Variants in POF1B observed in about 807,000 individuals in gnomAD.
POF1B encodes the protein protein POF1B.
POF1B carries 53 observed loss-of-function variants against 55.3 expected under a neutral mutation model. The ratio of observed to expected loss-of-function variants is 0.96; its 90% confidence interval spans 0.77 to 1.20. POF1B has a LOEUF of 1.20. Ranked by LOEUF, POF1B falls within the 50% of genes most tolerant of loss-of-function variation. The probability of loss-of-function intolerance (pLI) is 0.00; values close to 1 mark genes in which losing one functional copy is unlikely to be tolerated. For missense variants in POF1B, 478 were observed against 420.5 expected, an observed-to-expected ratio of 1.14 and a Z score of -1.20; for synonymous variants, 188 against 148.3, an observed-to-expected ratio of 1.27 and a Z score of -1.95.
intron 15 of POF1B, among the ~76,000 whole-genome samples, chrX:85,288,039 C>A (rs1932094686): frequency 9.0e-6 from 1 of 111,595 alleles, no homozygotes; most frequent in Admixed American, 9.6e-5. Context: ...TTGACAGACA[C>A]TCTCTACAAT....
At chrX:85,329,087 T>A (rs1490923299) in intron 7 of POF1B, among the ~76,000 whole-genome samples, 1 of 111,722 alleles carries the variant, frequency 9.0e-6, no homozygotes, top group Non-Finnish European at 1.9e-5. Context: ...CTCAAAAATG[T>A]CTGAATCCAT....
chrX:85,354,267 A>G (rs1249555905), intron 4 of POF1B, among the ~76,000 whole-genome samples: 1 of 111,112 alleles, frequency 9.0e-6, no homozygotes, highest in African/African-American at 3.3e-5. Context: ...TTTAAATAAT[A>G]TTGATAATTC....
At position 85,305,857 on chromosome X, in the gene POF1B, G is replaced by C. The variant is rs141543848; in HGVS notation, c.1371C>G (p.Gly457=). ...TTTTTACCATCTCCGTGTAGTGGTT[G>C]CCAATCTCATCCATTTTAGCCTGCA... ...PMLQAKMDEI[G]NHYTEMVKNL... The change falls in exon 13 of 17, where the codon GGC becomes GGG. Residue 457 remains glycine, a synonymous_variant. Transcript: ENST00000262753. 8.0e-4 allele frequency: 969 copies of C among 1,207,715 alleles called. 5 individuals carry two copies. In the African/African-American group the frequency reaches 0.015, roughly 18 times the overall value.
Position 85,345,996 on chromosome X carries a change from G to A in POF1B, c.587C>T (p.Pro196Leu). Residue 196 changes from proline to leucine, a missense_variant, in exon 6 of 17, where the codon CCC (proline) becomes CTC (leucine). Pro to Leu is a moderately conservative substitution (Grantham distance 98, BLOSUM62 -3). Coordinates refer to ENST00000262753, the MANE Select transcript of POF1B (RefSeq NM_024921.4). ...AQCHHHIIQQ[P>L]QVIHSAHWQQ... ...CCAGTGTGCAGAGTGGATGACCTGG[G>A]GCTGTTGGATAATGTGATGATGGCA... 1 of 1,201,442 alleles carries A rather than the reference G, an allele frequency of 8.3e-7. No individual in the cohort carries two copies. Among genetic ancestry groups the A allele is most frequent in the Non-Finnish European group, 1.1e-6 (1 of 890,134 alleles).
At chrX:85,340,945 A>G (rs1251839789) in intron 6 of POF1B, among the ~76,000 whole-genome samples, 3 of 111,630 alleles carry the variant, frequency 2.7e-5, no homozygotes, top group Non-Finnish European at 3.8e-5. Context: ...CGAATAAAAG[A>G]AGCAAAATAA....
chrX:85,320,727 C>G (rs1302659957), intron 7 of POF1B, among the ~76,000 whole-genome samples: 1 of 111,082 alleles, frequency 9.0e-6, no homozygotes, highest in Admixed American at 9.6e-5. Flanking sequence ...AGAGAAGAAT[C>G]AAACAGACAC....
intron 2 of POF1B, among the ~76,000 whole-genome samples, chrX:85,370,592 T>C (rs751432533): frequency 1.8e-4 from 20 of 111,603 alleles, no homozygotes; most frequent in Admixed American, 2.9e-4. Flanking sequence ...GTTTATTAAT[T>C]CCAGAAATAC....
intron 7 of POF1B, among the ~76,000 whole-genome samples, chrX:85,319,475 G>T (rs1220074909): frequency 9.0e-6 from 1 of 111,178 alleles, no homozygotes; most frequent in Non-Finnish European, 1.9e-5. Flanking sequence ...TCTATCTTTT[G>T]CCCATTTAGT....
At chrX:85,327,406 G>T (rs768053223) in intron 7 of POF1B, among the ~76,000 whole-genome samples, 2 of 111,492 alleles carry the variant, frequency 1.8e-5, no homozygotes, top group Non-Finnish European at 3.8e-5. Context: ...GTAATACATT[G>T]CCTACAGAGA....
At chrX:85,378,619 C>T (rs1933959259) in intron 2 of POF1B, among the ~76,000 whole-genome samples, 1 of 111,520 alleles carries the variant, frequency 9.0e-6, no homozygotes, top group African/African-American at 3.3e-5. Flanking sequence ...AATTATTCAC[C>T]TAGGCTGTAC....
intron 3 of POF1B, 69 bp from the exon 4 acceptor site, chrX:85,359,699 T>C (rs1933568155): frequency 1.4e-6 from 1 of 711,825 alleles, no homozygotes; most frequent in Non-Finnish European, 2.1e-6. Context: ...TCAATAATAA[T>C]AGGGAACAAT....
intron 7 of POF1B, among the ~76,000 whole-genome samples, chrX:85,324,374 ACTTT>A (rs985077488): frequency 1.8e-5 from 2 of 108,660 alleles, no homozygotes; most frequent in Non-Finnish European, 3.8e-5. Context: ...CTCTCTATGA[ACTTT>A]CTTTATGTAT....
In POF1B at chrX:85,345,601, A is replaced by C. The variant is rs767667819; in HGVS notation, c.723+259T>G. Among the ~76,000 whole-genome samples the C allele has an allele frequency of 3.6e-5, 4 of 111,317 alleles. No individual in the cohort carries two copies. The Admixed American group carries it at 3.8e-4, about 11-fold the overall frequency. On this transcript the variant is annotated intron_variant, in intron 6 of 16. Coordinates refer to ENST00000262753, the MANE Select transcript of POF1B (RefSeq NM_024921.4). ...AACTGTTGGGCCCATTTTAGAACTG[A>C]AGATCAGCTACAAATTAGGTATTCA... is the stretch of plus-strand genomic sequence containing the variant.
chrX:85,377,302 A>C (rs778877741), intron 2 of POF1B, among the ~76,000 whole-genome samples: 101 of 111,701 alleles, frequency 9.0e-4, no homozygotes, highest in African/African-American at 3.2e-3. Flanking sequence ...AAGGAAAATA[A>C]AATAGAAGAG....
In POF1B at chrX:85,351,464, T is replaced by C; in HGVS notation, c.439-13A>G. On this transcript the variant is annotated splice_polypyrimidine_tract_variant and intron_variant, in intron 4 of 16. Transcript: ENST00000262753. ...GAGACAGTGGTTCCTAAAATGATAG[T>C]AAATTATATGTTTTGTTTTGAAAGT... 1.8e-6 allele frequency: 2 copies of C among 1,127,891 alleles called. No homozygotes were observed. Among genetic ancestry groups the C allele is most frequent in the African/African-American group, 3.6e-5 (2 of 55,308 alleles). The allele number at this position is 1,127,891 out of a possible 1,213,427, so 93.0% of individuals were successfully genotyped here. A position where few individuals can be genotyped will look rare whatever the true frequency, so the allele number is the denominator to read the frequency against.
chrX:85,324,881 G>A (rs1467654405), intron 7 of POF1B, among the ~76,000 whole-genome samples: 1 of 112,077 alleles, frequency 8.9e-6, no homozygotes, highest in Non-Finnish European at 1.9e-5. Flanking sequence ...TGTAAGGTAT[G>A]TTTGGTGGTA....
At chrX:85,365,244 C>A (rs760254672) in intron 3 of POF1B, among the ~76,000 whole-genome samples, 262 of 111,761 alleles carry the variant, frequency 2.3e-3, no homozygotes, top group African/African-American at 8.0e-3. Context: ...ATTCTGAATT[C>A]TATTTCTGTT....
intron 5 of POF1B, among the ~76,000 whole-genome samples, chrX:85,350,983 C>G (rs1333726451): frequency 9.0e-6 from 1 of 111,314 alleles, no homozygotes; most frequent in Admixed American, 9.6e-5. Context: ...AAAATTCGTT[C>G]TATATTAAAA....
chrX:85,365,451 G>A (rs894312178), intron 3 of POF1B, among the ~76,000 whole-genome samples: 1 of 111,668 alleles, frequency 9.0e-6, no homozygotes, highest in Non-Finnish European at 1.9e-5. Context: ...TGTCTTCACA[G>A]GGCTGAGGTT....
Sources: gnomAD v4.1 joint callset for allele counts (sites outside exome capture counted in the v4.1 genomes callset) on GRCh38, gnomAD v4.1.1 for gene constraint, MANE v1.5 for transcripts, NCBI Gene and HGNC (gene_info 2026-07-23, HGNC 2026-07-21) for gene names.